CLEC12A: variants seen among roughly 807,000 people sequenced by gnomAD.
CLEC12A encodes C-type lectin domain family 12 member A, also known as C-type lectin protein CLL-1.
Under a neutral mutation model 26.5 loss-of-function variants are expected in CLEC12A, and 22 were observed. The observed-to-expected ratio is 0.83, with a 90% CI of 0.59 to 1.19. The LOEUF is 1.19. Among genes scored for constraint, CLEC12A ranks in the 50% most tolerant of loss-of-function variants. The pLI is 0.00. For synonymous variants in CLEC12A, 119 were observed against 101.9 expected (o/e 1.17, Z -1.01); for missense variants, 353 against 315.6 (o/e 1.12, Z -0.90).
At chr12:9,978,899 A>G (rs1383687932) in intron 1 of CLEC12A, 67 bp from the exon 2 acceptor site, 3 of 1,083,216 alleles carry the variant, frequency 2.8e-6, no homozygotes, top group Middle Eastern at 2.0e-4. Context: ...GAATGAATGA[A>G]TGAGTAAATA....
At chr12:9,955,300 G>A (rs953834881) in intron 1 of CLEC12A, among the ~76,000 whole-genome samples, 1 of 152,066 alleles carries the variant, frequency 6.6e-6, no homozygotes, top group African/African-American at 2.4e-5. Flanking sequence ...TGTTAGCCAG[G>A]ATGGTCTTGA....
intron 1 of CLEC12A, among the ~76,000 whole-genome samples, chr12:9,972,938 C>T (rs112623912): frequency 8.5e-4 from 130 of 152,286 alleles, no homozygotes; most frequent in African/African-American, 3.1e-3. Flanking sequence ...TGTCCTCTCA[C>T]ACCCTTTCCC....
upstream of CLEC12A, among the ~76,000 whole-genome samples, chr12:9,970,782 C>G (rs1315824672): frequency 6.6e-6 from 1 of 152,180 alleles, no homozygotes; most frequent in Admixed American, 6.5e-5. Flanking sequence ...CCTTGGCCAT[C>G]AGTATGCATA....
In CLEC12A at chr12:9,982,073, T is replaced by A. The variant is rs1864580317; in HGVS notation, c.585T>A (p.Pro195=). 1 of 1,602,100 alleles carries A rather than the reference T, an allele frequency of 6.2e-7. No individual in the cohort carries two copies. The highest frequency in any genetic ancestry group is 8.5e-7 in the Non-Finnish European group (1 of 1,170,014). ...ATGACTATTGGCTGGGATTATCTCC[T>A]GAAGAAGATTCCACTCGTGGTATGA... The part of the protein sequence containing the change: ...RSYDYWLGLS[P]EEDSTRGMRV... The change falls in exon 5 of 6, where the codon CCT becomes CCA. Residue 195 remains proline (P), a synonymous_variant. Transcript: ENST00000304361.
At chr12:9,980,395 G>A (rs1411734070) in intron 3 of CLEC12A, among the ~76,000 whole-genome samples, 187 bp from the exon 4 acceptor site, 3 of 149,132 alleles carry the variant, frequency 2.0e-5, no homozygotes, top group Admixed American at 6.7e-5. Context: ...CTGAGATCAC[G>A]CCACTGCTCT....
chr12:9,952,047 A>T (rs1238103824), intron 1 of CLEC12A: 1 of 149,050 alleles, frequency 6.7e-6, no homozygotes, highest in Non-Finnish European at 1.5e-5. Context: ...GAGTCTGGAG[A>T]GATTTGGCCT....
At chr12:9,995,274 G>T (rs776131308) in exon 5 of CLEC12A, 13 of 1,562,726 alleles carry the variant, frequency 8.3e-6, no homozygotes, top group Non-Finnish European at 1.1e-5. Context: ...AAACACAATG[G>T]TCAGAATCCC....
At chr12:9,983,387 G>A in intron 5 of CLEC12A, 3 of 566,722 alleles carry the variant, frequency 5.3e-6, no homozygotes, top group South Asian at 4.6e-5. Flanking sequence ...GTAGTATAAT[G>A]AGGAATGTGG....
At chr12:9,980,242 T>C (rs1262740897) in intron 3 of CLEC12A, among the ~76,000 whole-genome samples, 1 of 151,902 alleles carries the variant, frequency 6.6e-6, no homozygotes, top group Non-Finnish European at 1.5e-5. Context: ...TGACACATTA[T>C]GGTGGTATAT....
At chr12:9,973,070 T>G (rs1864189528) in intron 1 of CLEC12A, among the ~76,000 whole-genome samples, 1 of 152,182 alleles carries the variant, frequency 6.6e-6, no homozygotes, top group African/African-American at 2.4e-5. Context: ...TTATCGAGCT[T>G]AGAATCTACA....
chr12:9,976,997 G>C (rs1339188864), intron 1 of CLEC12A, among the ~76,000 whole-genome samples: 1 of 151,906 alleles, frequency 6.6e-6, no homozygotes, highest in Non-Finnish European at 1.5e-5. Context: ...GCGTGAAACT[G>C]TGAATCCATT....
chr12:10,004,160 T>C, the CLEC12A span, among the ~76,000 whole-genome samples: 730 of 152,170 alleles, frequency 4.8e-3, 2 homozygotes, highest in African/African-American at 0.017. Context: ...CACTGTAGTG[T>C]CTAGGGGTGG....
chr12:9,996,987 G>C, downstream of CLEC12A: 1 of 1,613,972 alleles, frequency 6.2e-7, no homozygotes, highest in Non-Finnish European at 8.5e-7. Flanking sequence ...CACAGGGGCT[G>C]CATTTATGAC....
intron 4 of CLEC12A, among the ~76,000 whole-genome samples, chr12:9,993,776 G>A (rs548009551): frequency 3.5e-4 from 54 of 152,184 alleles, no homozygotes; most frequent in East Asian, 3.9e-4. Context: ...TAACACAGCA[G>A]GCTGTATTGT....
intron 1 of CLEC12A, chr12:9,951,453 G>T: frequency 1.4e-6 from 1 of 700,180 alleles, no homozygotes; most frequent in South Asian, 1.5e-5. Context: ...AAGGCCAACT[G>T]ACGGAGAGAG....
downstream of CLEC12A, among the ~76,000 whole-genome samples, chr12:10,000,622 G>A (rs1217665144): frequency 2.6e-5 from 4 of 152,138 alleles, no homozygotes; most frequent in Admixed American, 2.6e-4. Context: ...ATATTCAGGG[G>A]TTCCCAATCA....
At chr12:9,969,830 A>G (rs1303178874), upstream of CLEC12A, among the ~76,000 whole-genome samples, 2 of 152,254 alleles carry the variant, frequency 1.3e-5, no homozygotes, top group African/African-American at 2.4e-5. Flanking sequence ...CACATATTTG[A>G]ACAAGGCAAC....
chr12:9,984,774 G>A (rs1424347353), intron 5 of CLEC12A, 96 bp from the exon 6 acceptor site: 2 of 1,136,122 alleles, frequency 1.8e-6, no homozygotes, highest in Non-Finnish European at 2.3e-6. Context: ...ACAGAGTCTA[G>A]GGCAATAATA....
downstream of CLEC12A, chr12:9,997,167 G>A: frequency 6.2e-7 from 1 of 1,613,898 alleles, no homozygotes; most frequent in Non-Finnish European, 8.5e-7. Flanking sequence ...TACTGAAAGT[G>A]CCCTTTAGTT....
Sources: gnomAD v4.1 joint callset for allele counts (sites outside exome capture counted in the v4.1 genomes callset) on GRCh38, gnomAD v4.1.1 for gene constraint, MANE v1.5 for transcripts, NCBI Gene and HGNC (gene_info 2026-07-23, HGNC 2026-07-21) for gene names.